The following FGF12 variants were observed in gnomAD, a reference collection of about 807,000 sequenced individuals.
FGF12 encodes the protein fibroblast growth factor 12, also known as fibroblast growth factor 12B.
Under a neutral mutation model 23.6 loss-of-function variants are expected in FGF12, and 14 were observed. The observed-to-expected ratio is 0.59, with a 90% confidence interval of 0.39 to 0.93. The LOEUF (loss-of-function observed/expected upper bound fraction) is 0.93, where lower values mean the gene tolerates loss of function less well. Ranked by LOEUF, FGF12 falls within the 40% of genes least tolerant of loss-of-function variation. FGF12 has a pLI of 0.00. For synonymous variants in FGF12, 62 were observed against 77.3 expected, an observed-to-expected ratio of 0.80 and a Z score of 1.04; for missense variants, 175 against 217.8, an observed-to-expected ratio of 0.80 and a Z score of 1.24.
intron 4 of FGF12, among the ~76,000 whole-genome samples, chr3:192,204,521 AT>A (rs895032551): frequency 1.3e-5 from 2 of 152,192 alleles, no homozygotes; most frequent in African/African-American, 4.8e-5. Context: ...AATATGCTGC[AT>A]TTTAATAACC....
At chr3:192,259,227 A>C (rs1712592268) in intron 4 of FGF12, among the ~76,000 whole-genome samples, 1 of 152,180 alleles carries the variant, frequency 6.6e-6, no homozygotes, top group Non-Finnish European at 1.5e-5. Flanking sequence ...GTATCAGAAA[A>C]GGTTTTGCTA....
At chr3:192,550,352 T>C (rs1405126426) in intron 2 of FGF12, among the ~76,000 whole-genome samples, 2 of 150,014 alleles carry the variant, frequency 1.3e-5, no homozygotes, top group East Asian at 3.9e-4. Flanking sequence ...TGCATACATA[T>C]ATAATAGATT....
chr3:192,237,998 T>C (rs1719389390), intron 4 of FGF12: 1 of 152,290 alleles, frequency 6.6e-6, no homozygotes, highest in African/African-American at 2.4e-5. Context: ...GATGGGGCTT[T>C]TTGCTTTTCT....
intron 2 of FGF12, among the ~76,000 whole-genome samples, chr3:192,630,481 G>A (rs933242703): frequency 1.3e-5 from 2 of 150,536 alleles, no homozygotes; most frequent in Non-Finnish European, 3.0e-5. Context: ...CCTAACAAAG[G>A]CTGAACTAGA....
At chr3:192,249,723 T>C (rs1159270111) in intron 4 of FGF12, among the ~76,000 whole-genome samples, 1 of 152,166 alleles carries the variant, frequency 6.6e-6, no homozygotes, top group Non-Finnish European at 1.5e-5. Context: ...CAAACCCCTC[T>C]CTTCCTCTGG....
At chr3:192,361,073 G>C (rs1026798600) in intron 2 of FGF12, among the ~76,000 whole-genome samples, 1 of 141,652 alleles carries the variant, frequency 7.1e-6, no homozygotes, top group African/African-American at 2.6e-5. Flanking sequence ...ACGGCCATGA[G>C]ATGTCACTGG....
chr3:192,643,653 G>A (rs1475863540), intron 2 of FGF12, among the ~76,000 whole-genome samples: 1 of 151,978 alleles, frequency 6.6e-6, no homozygotes, highest in Non-Finnish European at 1.5e-5. Context: ...AATTCTTAAT[G>A]AACTTTATTA....
At chr3:192,615,334 A>G (rs1714718363) in intron 2 of FGF12, among the ~76,000 whole-genome samples, 1 of 152,060 alleles carries the variant, frequency 6.6e-6, no homozygotes. Context: ...CTATAATTAT[A>G]GAATTAAGAT....
chr3:192,527,017 T>G (rs1724961025), intron 2 of FGF12, among the ~76,000 whole-genome samples: 1 of 152,208 alleles, frequency 6.6e-6, no homozygotes, highest in South Asian at 2.1e-4. Flanking sequence ...GAATGTGTCC[T>G]CAAAATTTCA....
chr3:192,584,014 G>T (rs1393086306), intron 2 of FGF12, among the ~76,000 whole-genome samples: 1 of 152,134 alleles, frequency 6.6e-6, no homozygotes, highest in Non-Finnish European at 1.5e-5. Flanking sequence ...ATCTACCATG[G>T]AATCATGGAG....
At chr3:192,470,393 T>C (rs897557278) in intron 2 of FGF12, among the ~76,000 whole-genome samples, 1 of 152,146 alleles carries the variant, frequency 6.6e-6, no homozygotes, top group Non-Finnish European at 1.5e-5. Flanking sequence ...TTGTTGTTGT[T>C]GTTGTAGTTG....
At chr3:192,212,897 G>T (rs56262151) in intron 4 of FGF12, among the ~76,000 whole-genome samples, 1 of 152,284 alleles carries the variant, frequency 6.6e-6, no homozygotes, top group Non-Finnish European at 1.5e-5. Flanking sequence ...CATCAGTGAT[G>T]TGTAATACAA....
intron 2 of FGF12, among the ~76,000 whole-genome samples, chr3:192,659,028 A>C (rs934928367): frequency 1.3e-5 from 2 of 152,194 alleles, no homozygotes; most frequent in African/African-American, 4.8e-5. Flanking sequence ...TGAGTGGATC[A>C]TGGGACAGGA....
intron 2 of FGF12, among the ~76,000 whole-genome samples, chr3:192,595,481 T>C (rs1262345565): frequency 3.3e-5 from 5 of 152,224 alleles, no homozygotes; most frequent in Non-Finnish European, 1.5e-5. Flanking sequence ...GTCTGACTTA[T>C]ACCTTGAGGT....
intron 2 of FGF12, among the ~76,000 whole-genome samples, chr3:192,443,330 C>T (rs1244339011): frequency 6.6e-6 from 1 of 152,146 alleles, no homozygotes; most frequent in African/African-American, 2.4e-5. Flanking sequence ...ATATCCACAA[C>T]TGAGTTGTGA....
rs554202389 is a variant in FGF12, at chr3:192,481,250, T to C, written c.14-120712A>G. ...CATGTAAGGGTACGTTGATATAAAA[T>C]TTTTAAAGAAAACTCTTTGAAAATG... On this transcript the variant is annotated intron_variant, in intron 2 of 5. Transcript: ENST00000445105. Among the ~76,000 whole-genome samples the C allele has an allele frequency of 1.9e-4, 29 of 152,248 alleles. 1 individual carries two copies. The South Asian group carries it at 6.0e-3, about 32-fold the overall frequency.
At chr3:192,561,524 A>T (rs58306923) in intron 2 of FGF12, among the ~76,000 whole-genome samples, 2 of 152,148 alleles carry the variant, frequency 1.3e-5, no homozygotes, top group African/African-American at 4.8e-5. Context: ...CACCACGCCC[A>T]GCTAATTTTT....
intron 2 of FGF12, among the ~76,000 whole-genome samples, chr3:192,368,558 A>G (rs765544632): frequency 3.9e-5 from 6 of 152,186 alleles, no homozygotes; most frequent in Non-Finnish European, 8.8e-5. Context: ...AGCAATCCTA[A>G]TAATGGTAAA....
At chr3:192,195,741 TA>T (rs918069216) in intron 4 of FGF12, among the ~76,000 whole-genome samples, 1 of 152,126 alleles carries the variant, frequency 6.6e-6, no homozygotes, top group East Asian at 1.9e-4. Context: ...TATGTATGTG[TA>T]TATATGTATG....
Sources: gnomAD v4.1 joint callset for allele counts (sites outside exome capture counted in the v4.1 genomes callset) on GRCh38, gnomAD v4.1.1 for gene constraint, MANE v1.5 for transcripts, NCBI Gene and HGNC (gene_info 2026-07-23, HGNC 2026-07-21) for gene names.